ATG13: variants seen among roughly 807,000 people sequenced by gnomAD.
The protein encoded by ATG13 is autophagy related 13.
A neutral mutation model predicts 65.5 loss-of-function variants in ATG13; 23 were observed. The observed-to-expected ratio is 0.35, with a 90% CI of 0.25 to 0.50. The LOEUF is 0.50. Among genes scored for constraint, ATG13 ranks in the 20% least tolerant of loss-of-function variants. ATG13 has a pLI of 0.98. For synonymous variants in ATG13, 252 were observed against 245.2 expected, an observed-to-expected ratio of 1.03 and a Z score of -0.26; for missense variants, 566 against 677.0, an observed-to-expected ratio of 0.84 and a Z score of 1.82.
chr11:46,620,823 G>A (rs2047260428), intron 1 of ATG13, among the ~76,000 whole-genome samples: 2 of 151,848 alleles, frequency 1.3e-5, no homozygotes, highest in South Asian at 4.2e-4. Context: ...GACTTAACAG[G>A]GTCTCCTCAG....
chr11:46,652,341 T>C (rs2059095585), intron 7 of ATG13, among the ~76,000 whole-genome samples: 1 of 152,192 alleles, frequency 6.6e-6, no homozygotes, highest in South Asian at 2.1e-4. Flanking sequence ...TCTAGAGATG[T>C]GGGTGATCTC....
At chr11:46,663,971 C>A in intron 11 of ATG13, 26 bp from the exon 12 acceptor site, 8 of 974,198 alleles carry the variant, frequency 8.2e-6, no homozygotes, top group Non-Finnish European at 1.2e-5. Context: ...TTTGTTTCTC[C>A]TGTCTCTGTG....
At chr11:46,661,920 C>A (rs2061306427) in intron 11 of ATG13, among the ~76,000 whole-genome samples, 1 of 152,196 alleles carries the variant, frequency 6.6e-6, no homozygotes, top group South Asian at 2.1e-4. Context: ...ATCCATGGAT[C>A]ACTATTGTTT....
At chr11:46,634,903 A>G (rs1418528043) in intron 2 of ATG13, among the ~76,000 whole-genome samples, 2 of 150,774 alleles carry the variant, frequency 1.3e-5, no homozygotes, top group Non-Finnish European at 2.9e-5. Flanking sequence ...GGGTTTCACC[A>G]TATTGGCCAG....
chr11:46,624,510 A>C (rs1474628697), intron 1 of ATG13, among the ~76,000 whole-genome samples: 1 of 147,568 alleles, frequency 6.8e-6, no homozygotes, highest in African/African-American at 2.5e-5. Flanking sequence ...TTGTTCTTTT[A>C]TAACACTGAC....
chr11:46,666,792 G>T (rs1190538362), intron 14 of ATG13, among the ~76,000 whole-genome samples: 1 of 152,038 alleles, frequency 6.6e-6, no homozygotes, highest in South Asian at 2.1e-4. Context: ...GATTTTGAAG[G>T]CCCCAGAGAT....
chr11:46,672,586 C>A lies in ATG13; in HGVS notation c.*254C>A. 1 of 1,419,246 alleles carries A rather than the reference C, an allele frequency of 7.0e-7. No homozygotes were observed. Among genetic ancestry groups the A allele is most frequent in the Non-Finnish European group, 9.3e-7 (1 of 1,076,394 alleles). 87.9% of individuals were successfully genotyped at this position (1,419,246 alleles called of 1,614,324 possible). ...TGGGAAGAACCTTCGTACGAAAAAG[C>A]CCTCAGCAGGGCCATCTGTGTGCCC... On this transcript the variant is annotated 3_prime_UTR_variant, in exon 19 of 19. Transcript: ENST00000683050.
intron 11 of ATG13, among the ~76,000 whole-genome samples, chr11:46,662,222 TTTC>T (rs1208864100): frequency 6.6e-6 from 1 of 152,228 alleles, no homozygotes; most frequent in Non-Finnish European, 1.5e-5. Flanking sequence ...GTCTAATATT[TTTC>T]TTTTTATTTT....
At chr11:46,642,713 C>T (rs1591765961) in intron 2 of ATG13, among the ~76,000 whole-genome samples, 1 of 152,270 alleles carries the variant, frequency 6.6e-6, no homozygotes, top group East Asian at 1.9e-4. Flanking sequence ...ATTTTTCATA[C>T]TCAAAAGTGT....
chr11:46,659,641 G>T, intron 11 of ATG13, 156 bp downstream of exon 11: 1 of 575,904 alleles, frequency 1.7e-6, no homozygotes, highest in Non-Finnish European at 3.1e-6. Flanking sequence ...TTCTTGTCCA[G>T]AAGATAGTAT....
Position 46,624,248 on chromosome 11 carries a change from ACTC to A in ATG13, c.-69-5793_-69-5791del, listed in dbSNP as rs573907719. On this transcript the variant is annotated intron_variant, in intron 1 of 18. Coordinates refer to ENST00000683050, the MANE Select transcript of ATG13 (RefSeq NM_001346311.2). ...CGAACTCTTGACCTCAAGTGTTTACACTCCTCAGCCTGCCAAAGTGCTGGGATT... is the reference window on the plus strand; with the variant it reads ...CGAACTCTTGACCTCAAGTGTTTACACTCAGCCTGCCAAAGTGCTGGGATT... Among the ~76,000 whole-genome samples, 575 of 151,986 alleles carry A rather than the reference ACTC, an allele frequency of 3.8e-3. 5 individuals carry two copies. Among genetic ancestry groups the A allele is most frequent in the Non-Finnish European group, 4.9e-3 (336 of 67,972 alleles).
chr11:46,636,322 C>G (rs1239574475), intron 2 of ATG13, among the ~76,000 whole-genome samples: 2 of 152,074 alleles, frequency 1.3e-5, no homozygotes, highest in African/African-American at 4.8e-5. Flanking sequence ...CTTTGGGAGG[C>G]AGAGGCGGGT....
At chr11:46,622,654 G>GAGAA (rs1019863328) in intron 1 of ATG13, among the ~76,000 whole-genome samples, 4 of 152,160 alleles carry the variant, frequency 2.6e-5, no homozygotes, top group Non-Finnish European at 5.9e-5. Flanking sequence ...AATCAAAGGG[G>GAGAA]AGAAACAAGG....
intron 5 of ATG13, chr11:46,648,854 A>G (rs2058307205): frequency 4.5e-6 from 1 of 224,578 alleles, no homozygotes; most frequent in Non-Finnish European, 8.6e-6. Flanking sequence ...GTTGGATAAA[A>G]TGATAGTCAT....
chr11:46,624,636 A>G (rs188850125), intron 1 of ATG13, among the ~76,000 whole-genome samples: 26 of 152,256 alleles, frequency 1.7e-4, no homozygotes, highest in African/African-American at 5.3e-4. Context: ...CAAGAAAGCT[A>G]TGTAAGTAAT....
At chr11:46,621,620 A>C (rs906064908) in intron 1 of ATG13, among the ~76,000 whole-genome samples, 2 of 151,946 alleles carry the variant, frequency 1.3e-5, no homozygotes, top group Non-Finnish European at 1.5e-5. Flanking sequence ...TTGTGCTTTT[A>C]ATATTTTGGG....
In ATG13 at chr11:46,645,387, C is replaced by T. The variant is rs752912929; in HGVS notation, c.118C>T (p.Arg40Cys). 9.3e-6 allele frequency: 15 copies of T among 1,613,404 alleles called. No individual in the cohort carries two copies. The highest frequency in any genetic ancestry group is 3.3e-4 in the Middle Eastern group (2 of 6,082). ...QARLGEKICT[R>C]SSSSPTGSDW... Reference sequence around the variant, plus strand: ...TCGGCTTGGTGAAAAGATTTGCACTCGTTCATCATCTTCTCCAACGGGTTC... The same window carrying T: ...TCGGCTTGGTGAAAAGATTTGCACTTGTTCATCATCTTCTCCAACGGGTTC... Residue 40 changes from arginine to cysteine, a missense_variant, in exon 4 of 19, where the codon CGT becomes TGT. Arg to Cys is a radical substitution (Grantham distance 180, BLOSUM62 -3). Coordinates refer to ENST00000683050, the MANE Select transcript of ATG13 (RefSeq NM_001346311.2).
intron 5 of ATG13, among the ~76,000 whole-genome samples, chr11:46,646,276 G>C (rs1391158133): frequency 6.6e-6 from 1 of 152,078 alleles, no homozygotes; most frequent in Non-Finnish European, 1.5e-5. Flanking sequence ...AGCCTCCTGA[G>C]TAGCTGGGAT....
intron 2 of ATG13, among the ~76,000 whole-genome samples, chr11:46,631,440 A>G (rs2051696464): frequency 6.6e-6 from 1 of 152,226 alleles, no homozygotes; most frequent in East Asian, 1.9e-4. Flanking sequence ...GTTGTTTTCC[A>G]TTCGTTCATT....
Sources: allele counts gnomAD v4.1 joint callset (sites outside exome capture counted in the v4.1 genomes callset), GRCh38; gene constraint gnomAD v4.1.1; transcripts MANE v1.5; gene names NCBI Gene and HGNC (gene_info 2026-07-23, HGNC 2026-07-21).